Variants in NAA40 observed in about 807,000 individuals in gnomAD.
NAA40 encodes the protein N-alpha-acetyltransferase 40, NatD catalytic subunit, also known as N-alpha-acetyltransferase 40.
Under a neutral mutation model 36.6 loss-of-function variants are expected in NAA40, and 26 were observed. The observed-to-expected ratio is 0.71, with a 90% CI of 0.52 to 0.98. The LOEUF is 0.98. Among genes scored for constraint, NAA40 ranks in the 50% least tolerant of loss-of-function variants. The pLI is 0.00. For missense variants in NAA40, 237 were observed against 306.5 expected, an observed-to-expected ratio of 0.77 and a Z score of 1.69; for synonymous variants, 129 against 108.4, an observed-to-expected ratio of 1.19 and a Z score of -1.18.
rs971087895 is a variant in NAA40 at position 63,956,604 on chromosome 11, C to T, written c.*2125C>T. ...AGAGGCACTATCTGAGACCTGCAAT[C>T]ACTCTTGTTGGTCTTGAGCCCATTC... On this transcript the variant is annotated 3_prime_UTR_variant, in exon 8 of 8. Transcript: ENST00000377793. 5 of 152,654 alleles carry T rather than the reference C, an allele frequency of 3.3e-5. No homozygotes were observed. Among genetic ancestry groups the T allele is most frequent in the African/African-American group, 9.6e-5 (4 of 41,456 alleles). 9.5% of individuals were successfully genotyped at this position (152,654 alleles called of 1,614,324 possible).
In NAA40 at chr11:63,946,954, G is replaced by A; in HGVS notation, c.106G>A (p.Gly36Arg). Reference sequence around the variant, plus strand: ...CCTCTTTTCTTTCCCTCCACAGCTTGGAGACCCTCTGGAGGCTTTCCCAGT... The same window carrying A: ...CCTCTTTTCTTTCCCTCCACAGCTTAGAGACCCTCTGGAGGCTTTCCCAGT... ...CAKVDAANRL[G>R]DPLEAFPVFK... Residue 36 changes from glycine to arginine, a missense_variant, in exon 3 of 8, where the codon GGA (glycine) becomes AGA (arginine). Transcript: ENST00000377793. 1 of 1,614,088 alleles carries A rather than the reference G, an allele frequency of 6.2e-7. No individual in the cohort carries two copies. The highest frequency in any genetic ancestry group is 8.5e-7 in the Non-Finnish European group (1 of 1,179,970).
intron 2 of NAA40, 145 bp downstream of exon 2, chr11:63,946,080 C>T (rs1942181652): frequency 1.4e-6 from 1 of 702,820 alleles, no homozygotes; most frequent in Non-Finnish European, 2.4e-6. Flanking sequence ...GGGAACTGAG[C>T]TCATACCTGT....
intron 1 of NAA40, among the ~76,000 whole-genome samples, chr11:63,943,615 A>C (rs1001054514): frequency 6.6e-6 from 1 of 152,110 alleles, no homozygotes; most frequent in African/African-American, 2.4e-5. Flanking sequence ...TTCAAGGCTC[A>C]GTTTCCTATT....
At position 63,952,809 on chromosome 11, in the gene NAA40, T is replaced by A. The variant is rs943551499; in HGVS notation, c.464T>A (p.Leu155His). Residue 155 changes from leucine (L) to histidine (H), a missense_variant, in exon 6 of 8, where the codon CTC becomes CAC. Transcript: ENST00000377793. ...KVRRKGLGKF[L>H]IQILQLMANS... is the part of the protein sequence containing the mutation. ...CGGCGGAAAGGCCTGGGGAAGTTCC[T>A]CATACAGATCCTGCAGCTCATGGCC... The A allele has an allele frequency of 6.2e-7, 1 of 1,613,976 alleles. No individual in the cohort carries two copies. The highest frequency in any genetic ancestry group is 8.5e-7 in the Non-Finnish European group (1 of 1,180,018).
intron 1 of NAA40, among the ~76,000 whole-genome samples, chr11:63,943,390 G>T (rs1029873564): frequency 6.6e-6 from 1 of 152,178 alleles, no homozygotes; most frequent in Non-Finnish European, 1.5e-5. Context: ...AGGAGTTGCC[G>T]AGTGGTTGCT....
rs778997795 is a variant in NAA40 at position 63,952,447 on chromosome 11, C to T, written c.292C>T (p.Arg98Trp). The stretch of plus-strand genomic sequence containing the variant: ...GTGGGGCTGGAAGGACCGAGAGAAA[C>T]GGGAGGAAATGACAGATGACCGAGC... ...SEWGWKDREK[R>W]EEMTDDRAWY... Residue 98 changes from arginine to tryptophan, a missense_variant, in exon 5 of 8, where the codon CGG becomes TGG. Transcript: ENST00000377793. The T allele has an allele frequency of 5.0e-6, 8 of 1,614,140 alleles. No homozygotes were observed. Among genetic ancestry groups the T allele is most frequent in the South Asian group, 2.2e-5 (2 of 91,082 alleles).
intron 1 of NAA40, among the ~76,000 whole-genome samples, chr11:63,944,645 G>A (rs1193513275): frequency 6.6e-6 from 1 of 152,182 alleles, no homozygotes; most frequent in Non-Finnish European, 1.5e-5. Flanking sequence ...GCTCACGCCT[G>A]TAATCCCAGC....
At chr11:63,945,784 G>A in intron 1 of NAA40, 56 bp from the exon 2 acceptor site, 1 of 1,484,650 alleles carries the variant, frequency 6.7e-7, no homozygotes, top group Admixed American at 1.7e-5. Flanking sequence ...TAAAGGGAAA[G>A]TCAGTGCTTG....
chr11:63,949,075 A>G lies in NAA40; in HGVS notation c.155+2072A>G, dbSNP rs184348235. On this transcript the variant is annotated intron_variant, in intron 3 of 7. Transcript: ENST00000377793. ...GTGGCACATGCCTGTATTCCCAGCT[A>G]CTGAGAAGGCTGATGTGGGAGAATT... Among the ~76,000 whole-genome samples, 10 of 152,290 alleles carry G rather than the reference A, an allele frequency of 6.6e-5. No individual in the cohort carries two copies. In the East Asian group the frequency reaches 1.5e-3, roughly 24 times the overall value.
At chr11:63,940,465 T>G (rs1007823602) in intron 1 of NAA40, among the ~76,000 whole-genome samples, 1 of 152,146 alleles carries the variant, frequency 6.6e-6, no homozygotes, top group Non-Finnish European at 1.5e-5. Flanking sequence ...TGCCAGTGAG[T>G]TGGCCTTTAT....
At chr11:63,939,685 C>A (rs1170783996) in intron 1 of NAA40, among the ~76,000 whole-genome samples, 1 of 152,200 alleles carries the variant, frequency 6.6e-6, no homozygotes, top group Non-Finnish European at 1.5e-5. Flanking sequence ...TAAACACAGC[C>A]TTCCTTTCCC....
intron 1 of NAA40, among the ~76,000 whole-genome samples, chr11:63,940,663 C>T (rs746109166): frequency 3.9e-5 from 6 of 151,980 alleles, no homozygotes; most frequent in Non-Finnish European, 5.9e-5. Context: ...ATTTTTAACC[C>T]ATTGGGTTTG....
chr11:63,951,616 GATTA>G (rs1942279572), intron 3 of NAA40, among the ~76,000 whole-genome samples: 1 of 152,178 alleles, frequency 6.6e-6, no homozygotes, highest in South Asian at 2.1e-4. Flanking sequence ...AAAGTGCTGG[GATTA>G]CAGGTGTGAG....
In NAA40 at chr11:63,952,546, G is replaced by A; in HGVS notation, c.391G>A (p.Gly131Arg). 1 of 1,614,148 alleles carries A rather than the reference G, an allele frequency of 6.2e-7. No individual in the cohort carries two copies. Among genetic ancestry groups the A allele is most frequent in the Non-Finnish European group, 8.5e-7 (1 of 1,180,032 alleles). The part of the protein sequence containing the change: ...FSHFRFDVEC[G>R]DEVLYCYEVQ... The stretch of plus-strand genomic sequence containing the variant: ...TCACTTCCGGTTTGACGTGGAGTGT[G>A]GGGATGAAGTCCTGTACTGGTAGGA... Residue 131 changes from glycine (G) to arginine (R), a missense_variant, in exon 5 of 8, where the codon GGG (glycine) becomes AGG (arginine). Transcript: ENST00000377793.
In NAA40 at chr11:63,939,069, G is replaced by A; in HGVS notation, c.-28G>A. On this transcript the variant is annotated 5_prime_UTR_variant, in exon 1 of 8. Transcript: ENST00000377793. The stretch of plus-strand genomic sequence containing the variant: ...GCCTCCCTGCCGGCAAGTGTGTGAA[G>A]AAGAAGCTGAGCGTTGTCGCCGCCG... 1 of 1,603,748 alleles carries A rather than the reference G, an allele frequency of 6.2e-7. No individual in the cohort carries two copies. The highest frequency in any genetic ancestry group is 1.1e-5 in the South Asian group (1 of 90,748).
intron 1 of NAA40, 146 bp downstream of exon 1, chr11:63,939,248 A>C (rs1590746997): frequency 2.6e-6 from 3 of 1,174,138 alleles, no homozygotes; most frequent in South Asian, 1.8e-5. Context: ...CGACTCCCCC[A>C]TTCTAAGGGT....
At chr11:63,947,637 G>A (rs1016970964) in intron 3 of NAA40, among the ~76,000 whole-genome samples, 10 of 151,378 alleles carry the variant, frequency 6.6e-5, no homozygotes, top group Non-Finnish European at 1.3e-4. Context: ...TGCAACCTCC[G>A]CCTTCTGGGT....
chr11:63,945,877 G>T lies in NAA40; in HGVS notation c.44G>T (p.Arg15Leu). The T allele has an allele frequency of 6.2e-7, 1 of 1,614,184 alleles. No homozygotes were observed. Residue 15 changes from arginine (R) to leucine (L), a missense_variant, in exon 2 of 8, where the codon CGG (arginine) becomes CTG (leucine). Arg to Leu is a moderately radical substitution (Grantham distance 102, BLOSUM62 -2). Transcript: ENST00000377793. ...SSKAKEKKQK[R>L]LEERAAMDAV... is the part of the protein sequence containing the mutation. Reference sequence around the variant, plus strand: ...AAAGCCAAGGAGAAGAAGCAGAAGCGGTTGGAGGAGCGAGCAGCCATGGAT... The same window carrying T: ...AAAGCCAAGGAGAAGAAGCAGAAGCTGTTGGAGGAGCGAGCAGCCATGGAT...
At chr11:63,939,754 GGTT>G (rs1202972936) in intron 1 of NAA40, among the ~76,000 whole-genome samples, 4 of 152,126 alleles carry the variant, frequency 2.6e-5, no homozygotes, top group Non-Finnish European at 5.9e-5. Flanking sequence ...CGACCGCTTG[GGTT>G]GTTAGGGGTT....
Sources: gnomAD v4.1 joint callset for allele counts (sites outside exome capture counted in the v4.1 genomes callset) on GRCh38, gnomAD v4.1.1 for gene constraint, MANE v1.5 for transcripts, NCBI Gene and HGNC (gene_info 2026-07-23, HGNC 2026-07-21) for gene names.